The following KIRREL3 variants were observed in gnomAD, a reference collection of about 807,000 sequenced individuals.
KIRREL3 encodes kirre like nephrin family adhesion molecule 3.
Under a neutral mutation model 89.7 loss-of-function variants are expected in KIRREL3, and 36 were observed. The ratio of observed to expected loss-of-function variants is 0.40; its 90% CI spans 0.31 to 0.53. The LOEUF is 0.53. Ranked by LOEUF, KIRREL3 falls within the 20% of genes least tolerant of loss-of-function variation. KIRREL3 has a pLI of 0.49. For missense variants in KIRREL3, 864 were observed against 1,056.6 expected, an observed-to-expected ratio of 0.82 and a Z score of 2.53; for synonymous variants, 445 against 441.4, an observed-to-expected ratio of 1.01 and a Z score of -0.10.
intron 1 of KIRREL3, among the ~76,000 whole-genome samples, chr11:126,947,239 C>A (rs969504456): frequency 5.9e-5 from 9 of 152,268 alleles, no homozygotes; most frequent in Non-Finnish European, 1.3e-4. Context: ...TTTTCAATTG[C>A]CACCTGAACA....
intron 4 of KIRREL3, among the ~76,000 whole-genome samples, chr11:126,512,154 T>A (rs954790833): frequency 1.2e-4 from 19 of 152,310 alleles, no homozygotes; most frequent in Admixed American, 6.5e-4. Flanking sequence ...ATTACCCCCC[T>A]CTTTCCTGGG....
rs144823564 is a variant in KIRREL3 at position 126,824,132 on chromosome 11, C to T, written c.55+176323G>A. ...ACTCTTTGGTTCAGCGTGGCTCGCC[C>T]ATGGGGACAGGGCTGGAAATGGAAG... On this transcript the variant is annotated intron_variant, in intron 1 of 16. Coordinates refer to ENST00000525144, the MANE Select transcript of KIRREL3 (RefSeq NM_032531.4). Among the ~76,000 whole-genome samples, 177 of 152,326 alleles carry T rather than the reference C, an allele frequency of 1.2e-3. 1 individual carries two copies. Among genetic ancestry groups the T allele is most frequent in the African/African-American group, 4.2e-3 (173 of 41,574 alleles).
At chr11:126,437,410 T>A (rs1955395874) in intron 11 of KIRREL3, among the ~76,000 whole-genome samples, 3 of 151,516 alleles carry the variant, frequency 2.0e-5, no homozygotes, top group South Asian at 4.2e-4. Flanking sequence ...AACACACACA[T>A]CACCACGTAC....
rs1941164832 is a variant in KIRREL3, at chr11:126,574,763, T to C, written c.56-11851A>G. On this transcript the variant is annotated intron_variant, in intron 1 of 16. Coordinates refer to ENST00000525144, the MANE Select transcript of KIRREL3 (RefSeq NM_032531.4). The surrounding 1 kb of genome is among the most constrained non-coding windows in gnomAD (Gnocchi z 5.3). ...ACTTAAATCTCCCTTGAAAAGAAAA[T>C]GCTGCTTATGAACCACTTCCACCCT... Among the ~76,000 whole-genome samples, 1 of 152,114 alleles carries C rather than the reference T, an allele frequency of 6.6e-6. No homozygotes were observed. Among genetic ancestry groups the C allele is most frequent in the African/African-American group, 2.4e-5 (1 of 41,414 alleles).
rs1956890367 is a variant in KIRREL3, at chr11:126,471,478, T to C, written c.591+1831A>G. On this transcript the variant is annotated intron_variant, in intron 5 of 16. Transcript: ENST00000525144. The surrounding 1 kb of genome is among the most constrained non-coding windows in gnomAD (Gnocchi z 5.4). ...CCCAGAGGAAGGGGAGGCCCCAGGG[T>C]CAGTTGGGGCTGGGGTGGGAGGTGT... Among the ~76,000 whole-genome samples the C allele has an allele frequency of 6.6e-6, 1 of 151,980 alleles. No individual in the cohort carries two copies. The highest frequency in any genetic ancestry group is 1.5e-5 in the Non-Finnish European group (1 of 67,984).
chr11:126,613,667 AAAAT>A (rs1943222523), intron 1 of KIRREL3, among the ~76,000 whole-genome samples: 1 of 152,178 alleles, frequency 6.6e-6, no homozygotes, highest in Non-Finnish European at 1.5e-5. Flanking sequence ...AAGGAAAAAG[AAAAT>A]AAATGCCTTC....
At position 126,526,054 on chromosome 11, in the gene KIRREL3, T is replaced by A. The variant is rs1427727495; in HGVS notation, c.283+484A>T. ...TAATACTTCCTGTCTTTTCTTCCCA[T>A]CTCATGATGGCTCCTAAGATCAACT... On this transcript the variant is annotated intron_variant, in intron 3 of 16. Transcript: ENST00000525144. The surrounding 1 kb of genome is among the most constrained non-coding windows in gnomAD (Gnocchi z 5.7). Among the ~76,000 whole-genome samples, 1 of 152,208 alleles carries A rather than the reference T, an allele frequency of 6.6e-6. No individual in the cohort carries two copies. Among genetic ancestry groups the A allele is most frequent in the Non-Finnish European group, 1.5e-5 (1 of 68,038 alleles).
chr11:126,770,849 C>T (rs1469864485), intron 1 of KIRREL3, among the ~76,000 whole-genome samples: 3 of 152,112 alleles, frequency 2.0e-5, no homozygotes, highest in Admixed American at 6.5e-5. Flanking sequence ...TATTTATTTT[C>T]TTTTGAGACA....
At position 126,553,584 on chromosome 11, in the gene KIRREL3, C is replaced by T. The variant is rs1428581305; in HGVS notation, c.133+9251G>A. On this transcript the variant is annotated intron_variant, in intron 2 of 16. Coordinates refer to ENST00000525144, the MANE Select transcript of KIRREL3 (RefSeq NM_032531.4). The surrounding 1 kb of genome is among the most constrained non-coding windows in gnomAD (Gnocchi z 4.7). Reference sequence around the variant, plus strand: ...CTACCCATTTCATGAGCCCAGGTGGCCACCTCAAGGGAGCAGCTGGGGCTA... The same window carrying T: ...CTACCCATTTCATGAGCCCAGGTGGTCACCTCAAGGGAGCAGCTGGGGCTA... Among the ~76,000 whole-genome samples the T allele has an allele frequency of 6.6e-6, 1 of 152,214 alleles. No individual in the cohort carries two copies. Among genetic ancestry groups the T allele is most frequent in the African/African-American group, 2.4e-5 (1 of 41,452 alleles).
In KIRREL3 at chr11:126,462,186, G is replaced by C. The variant is rs1205135860; in HGVS notation, c.742+971C>G. Among the ~76,000 whole-genome samples the C allele has an allele frequency of 1.3e-5, 2 of 152,132 alleles. No individual in the cohort carries two copies. Among genetic ancestry groups the C allele is most frequent in the Non-Finnish European group, 2.9e-5 (2 of 68,028 alleles). On this transcript the variant is annotated intron_variant, in intron 6 of 16. Coordinates refer to ENST00000525144, the MANE Select transcript of KIRREL3 (RefSeq NM_032531.4). This position sits in a 1 kb window ranked among gnomAD's most constrained non-coding sequence, Gnocchi z 4.8. ...GGTGGAGCCCTGAAGCATCATAACT[G>C]TCAACATGAATCCTAACACGGGCCA...
Position 126,496,913 on chromosome 11 carries a change from T to C in KIRREL3, c.434-23447A>G, listed in dbSNP as rs1000714427. On this transcript the variant is annotated intron_variant, in intron 4 of 16. Transcript: ENST00000525144. This position sits in a 1 kb window ranked among gnomAD's most constrained non-coding sequence, Gnocchi z 4.9. ...CCCGGAATTGCTTCTTGGAGGCCAA[T>C]GAGAGTGGGCAGAACTGAGCAATGG... Among the ~76,000 whole-genome samples, 1 of 151,992 alleles carries C rather than the reference T, an allele frequency of 6.6e-6. No homozygotes were observed. The highest frequency in any genetic ancestry group is 6.6e-5 in the Admixed American group (1 of 15,266).
chr11:126,998,672 T>G (rs949470460), intron 1 of KIRREL3, among the ~76,000 whole-genome samples: 6 of 152,156 alleles, frequency 3.9e-5, no homozygotes, highest in Non-Finnish European at 5.9e-5. Flanking sequence ...CAACAGAAGA[T>G]GTACACTGTA....
At chr11:126,586,788 G>T (rs1941883464) in intron 1 of KIRREL3, among the ~76,000 whole-genome samples, 1 of 152,136 alleles carries the variant, frequency 6.6e-6, no homozygotes, top group Non-Finnish European at 1.5e-5. Flanking sequence ...CTGGGACACA[G>T]CTTTGCATCA....
intron 1 of KIRREL3, among the ~76,000 whole-genome samples, chr11:126,784,523 C>T (rs1950423944): frequency 6.6e-6 from 1 of 151,936 alleles, no homozygotes; most frequent in South Asian, 2.1e-4. Context: ...CAGTCAGGTG[C>T]CCTTGTGCAG....
At chr11:126,585,619 G>A (rs1478518801) in intron 1 of KIRREL3, among the ~76,000 whole-genome samples, 1 of 152,268 alleles carries the variant, frequency 6.6e-6, no homozygotes, top group East Asian at 1.9e-4. Flanking sequence ...GAGTTTGGAA[G>A]CAGCGGACCG....
intron 1 of KIRREL3, among the ~76,000 whole-genome samples, chr11:126,865,278 C>G (rs1187818689): frequency 3.9e-5 from 6 of 152,226 alleles, no homozygotes; most frequent in African/African-American, 1.4e-4. Context: ...GCAAATTGAC[C>G]AAGCTCACCC....
At chr11:126,950,137 GC>G (rs1948735262) in intron 1 of KIRREL3, among the ~76,000 whole-genome samples, 1 of 152,194 alleles carries the variant, frequency 6.6e-6, no homozygotes, top group Non-Finnish European at 1.5e-5. Context: ...AATTTGGGAG[GC>G]CGAGGCAGGT....
chr11:126,852,393 C>G (rs1291264196), intron 1 of KIRREL3, among the ~76,000 whole-genome samples: 1 of 152,198 alleles, frequency 6.6e-6, no homozygotes, highest in South Asian at 2.1e-4. Flanking sequence ...TATTACTTAT[C>G]TAGCCTAGGA....
chr11:126,713,365 G>A (rs1464969923), intron 1 of KIRREL3, among the ~76,000 whole-genome samples: 1 of 152,248 alleles, frequency 6.6e-6, no homozygotes, highest in Non-Finnish European at 1.5e-5. Flanking sequence ...GTGGGGAGGG[G>A]ATGAGGGCAG....
Sources: allele counts gnomAD v4.1 joint callset (sites outside exome capture counted in the v4.1 genomes callset), GRCh38; gene constraint gnomAD v4.1.1; non-coding constraint Gnocchi (gnomAD v3.1); transcripts MANE v1.5; gene names NCBI Gene and HGNC (gene_info 2026-07-23, HGNC 2026-07-21).